ZUP1: variants seen among roughly 807,000 people sequenced by gnomAD.
ZUP1 encodes zinc finger containing ubiquitin peptidase 1, also known as zinc finger-containing ubiquitin peptidase 1.
In ZUP1, 55 loss-of-function variants were observed where a neutral mutation model predicts 68.1. The ratio of observed to expected loss-of-function variants is 0.81; its 90% CI spans 0.65 to 1.01. The LOEUF is 1.01. ZUP1 is among the 50% of genes least tolerant of loss of function. The pLI, the probability that ZUP1 is intolerant of heterozygous loss-of-function variation, is 0.00. For missense variants in ZUP1, 684 were observed against 674.9 expected (o/e 1.01, Z -0.15); for synonymous variants, 223 against 221.5 (o/e 1.01, Z -0.06).
intron 8 of ZUP1, 115 bp from the exon 9 acceptor site, chr6:116,646,049 C>T (rs1048601104): frequency 1.5e-6 from 1 of 667,514 alleles, no homozygotes. Flanking sequence ...TACAGTCAGA[C>T]TCTGACACAT....
intron 9 of ZUP1, among the ~76,000 whole-genome samples, chr6:116,636,167 A>G (rs1180777834): frequency 6.6e-6 from 1 of 152,164 alleles, no homozygotes; most frequent in Non-Finnish European, 1.5e-5. Flanking sequence ...AAAGTCAGAG[A>G]GAGATGAATA....
intron 9 of ZUP1, among the ~76,000 whole-genome samples, chr6:116,644,005 A>G (rs1055374852): frequency 7.0e-4 from 106 of 152,316 alleles, no homozygotes; most frequent in Admixed American, 2.0e-3. Context: ...AAAAACAAAC[A>G]ACCCCATGAA....
chr6:116,642,878 G>C (rs920924102), intron 9 of ZUP1, among the ~76,000 whole-genome samples: 1 of 152,126 alleles, frequency 6.6e-6, no homozygotes, highest in African/African-American at 2.4e-5. Context: ...ATTCAATTAG[G>C]AAAAGAGGAA....
chr6:116,666,162 A>G (rs1048955834), intron 2 of ZUP1, among the ~76,000 whole-genome samples: 1 of 152,172 alleles, frequency 6.6e-6, no homozygotes, highest in Non-Finnish European at 1.5e-5. Flanking sequence ...ATTCCACCCA[A>G]CAAAGCAGAA....
intron 4 of ZUP1, among the ~76,000 whole-genome samples, chr6:116,657,211 G>T (rs931847160): frequency 9.9e-5 from 15 of 152,094 alleles, no homozygotes; most frequent in Non-Finnish European, 1.8e-4. Context: ...CTTGTTATTT[G>T]GTTCCCAGTC....
chr6:116,641,918 A>G (rs1384021133), intron 9 of ZUP1, among the ~76,000 whole-genome samples: 1 of 152,230 alleles, frequency 6.6e-6, no homozygotes, highest in African/African-American at 2.4e-5. Flanking sequence ...TTTTGAAAGG[A>G]TCAACAAAAT....
chr6:116,643,480 C>T (rs1247909566), intron 9 of ZUP1, among the ~76,000 whole-genome samples: 1 of 152,046 alleles, frequency 6.6e-6, no homozygotes, highest in Non-Finnish European at 1.5e-5. Flanking sequence ...GTACTGATAC[C>T]AAAACAGAGA....
chr6:116,661,085 A>G (rs1277202175), intron 2 of ZUP1, among the ~76,000 whole-genome samples: 3 of 151,820 alleles, frequency 2.0e-5, no homozygotes, highest in African/African-American at 7.3e-5. Context: ...TATGTCGTCC[A>G]GGCTGGTCTC....
intron 5 of ZUP1, 126 bp from the exon 6 acceptor site, chr6:116,652,318 T>C (rs1776533001): frequency 1.4e-6 from 1 of 722,816 alleles, no homozygotes; most frequent in South Asian, 2.1e-5. Context: ...TTCTTCACCT[T>C]CTTCTTGCTA....
chr6:116,660,877 A>G, intron 2 of ZUP1, 31 bp from the exon 3 acceptor site: 2 of 1,220,290 alleles, frequency 1.6e-6, no homozygotes, highest in Non-Finnish European at 2.3e-6. Flanking sequence ...AGTTGTTTTT[A>G]TTTTTTTATT....
In ZUP1 at chr6:116,635,797, T is replaced by G. The variant is rs1775895421; in HGVS notation, c.*35A>C. On this transcript the variant is annotated 3_prime_UTR_variant, in exon 10 of 10. Coordinates refer to ENST00000368576, the MANE Select transcript of ZUP1 (RefSeq NM_145062.3). The stretch of plus-strand genomic sequence containing the variant: ...TCTACATTTAGAAAACAAAGTATTG[T>G]TCTCAATCACTGAAATGCTTAAATG... The G allele has an allele frequency of 1.3e-6, 2 of 1,570,734 alleles. No individual in the cohort carries two copies. The highest frequency in any genetic ancestry group is 2.3e-5 in the East Asian group (1 of 44,190).
chr6:116,651,589 C>A lies in ZUP1; in HGVS notation c.1299G>T (p.Leu433=). ...WIGACEVYIL[L]TSLRVKCHIV... ...GTACATACTTTACCCTTAGGGAGGTCAGGAGTATATATACTTCACATGCTC... is the reference window on the plus strand; with the variant it reads ...GTACATACTTTACCCTTAGGGAGGTAAGGAGTATATATACTTCACATGCTC... The change falls in exon 7 of 10, where the codon CTG becomes CTT. Residue 433 remains leucine, a synonymous_variant. Coordinates refer to ENST00000368576, the MANE Select transcript of ZUP1 (RefSeq NM_145062.3). 1.2e-6 allele frequency: 2 copies of A among 1,611,924 alleles called. No individual in the cohort carries two copies. Among genetic ancestry groups the A allele is most frequent in the Middle Eastern group, 1.7e-4 (1 of 6,050 alleles).
intron 4 of ZUP1, 139 bp downstream of exon 4, chr6:116,658,664 T>A (rs1351168422): frequency 1.4e-6 from 1 of 731,654 alleles, no homozygotes; most frequent in African/African-American, 1.8e-5. Context: ...CTAGAATGAA[T>A]ATTTATAAAT....
chr6:116,636,902 T>A (rs1451929090), intron 9 of ZUP1, among the ~76,000 whole-genome samples: 2 of 152,158 alleles, frequency 1.3e-5, no homozygotes, highest in African/African-American at 2.4e-5. Flanking sequence ...CACTATTTTG[T>A]CCTTTAAATA....
rs886582438 is a variant in ZUP1 at position 116,660,806 on chromosome 6, G to A, written c.600C>T (p.Leu200=). ...QPLYDCPMCG[L]ICTNYHILQE... ...GAAGAATATGGTAATTTGTACATAT[G>A]AGCCCACACATAGGACAATCATAGA... is the stretch of plus-strand genomic sequence containing the variant. The change falls in exon 3 of 10, where the codon CTC becomes CTT. Residue 200 remains leucine, a synonymous_variant. Coordinates refer to ENST00000368576, the MANE Select transcript of ZUP1 (RefSeq NM_145062.3). The A allele has an allele frequency of 5.0e-6, 8 of 1,608,650 alleles. No homozygotes were observed. The highest frequency in any genetic ancestry group is 6.8e-6 in the Non-Finnish European group (8 of 1,176,698).
intron 5 of ZUP1, 97 bp downstream of exon 5, chr6:116,656,587 C>T: frequency 2.1e-6 from 2 of 941,278 alleles, no homozygotes; most frequent in Admixed American, 3.2e-5. Flanking sequence ...TATTTGTGCA[C>T]AGATTATGAA....
At position 116,651,933 on chromosome 6, in the gene ZUP1, T is replaced by C. The variant is rs1776510839; in HGVS notation, c.1150+71A>G. ...CACTAACTGTTAAAGCTATTAATTG[T>C]GTATGCTATATCATTCTATATCATA... On this transcript the variant is annotated intron_variant, in intron 6 of 9. Transcript: ENST00000368576. 66 of 1,498,262 alleles carry C rather than the reference T, an allele frequency of 4.4e-5. 1 individual carries two copies. In the South Asian group the frequency reaches 8.2e-4, roughly 19 times the overall value. 92.8% of individuals were successfully genotyped at this position (1,498,262 alleles called of 1,614,324 possible).
Position 116,647,454 on chromosome 6 carries a change from C to T in ZUP1, c.1468+5G>A. ...TTGTCAAATATGAGTTATATTAATACTAACCTTGATGCTGAAGATAGATAG... is the reference window on the plus strand; with the variant it reads ...TTGTCAAATATGAGTTATATTAATATTAACCTTGATGCTGAAGATAGATAG... On this transcript the variant is annotated splice_donor_5th_base_variant and intron_variant, in intron 8 of 9. Coordinates refer to ENST00000368576, the MANE Select transcript of ZUP1 (RefSeq NM_145062.3). 6.5e-7 allele frequency: 1 copy of T among 1,544,382 alleles called. No homozygotes were observed. The highest frequency in any genetic ancestry group is 8.8e-7 in the Non-Finnish European group (1 of 1,137,274).
intron 2 of ZUP1, among the ~76,000 whole-genome samples, chr6:116,665,242 T>C (rs1244848546): frequency 6.6e-6 from 1 of 152,126 alleles, no homozygotes; most frequent in Non-Finnish European, 1.5e-5. Flanking sequence ...AAAAAAAGAT[T>C]GATTTCATAA....
Sources: gnomAD v4.1 joint callset for allele counts (sites outside exome capture counted in the v4.1 genomes callset) on GRCh38, gnomAD v4.1.1 for gene constraint, MANE v1.5 for transcripts, NCBI Gene and HGNC (gene_info 2026-07-23, HGNC 2026-07-21) for gene names.